UNC5C: variants seen among roughly 807,000 people sequenced by gnomAD.
The protein encoded by UNC5C is netrin receptor UNC5C.
A neutral mutation model predicts 99.8 loss-of-function variants in UNC5C; 47 were observed. The ratio of observed to expected loss-of-function variants is 0.47; its 90% CI spans 0.37 to 0.60. UNC5C has a LOEUF of 0.60. UNC5C is among the 20% of genes least tolerant of loss of function. The pLI, the probability that UNC5C is intolerant of heterozygous loss-of-function variation, is 0.00. For missense variants in UNC5C, 1,062 were observed against 1,165.9 expected (o/e 0.91, Z 1.30); for synonymous variants, 487 against 452.2 (o/e 1.08, Z -0.98).
At chr4:95,179,746 CAAAA>C (rs33974336) in intron 14 of UNC5C, among the ~76,000 whole-genome samples, 4 of 98,526 alleles carry the variant, frequency 4.1e-5, no homozygotes, top group Admixed American at 1.1e-4. Flanking sequence ...GACTCCTTCT[CAAAA>C]AAAAAAAAAA....
chr4:95,329,088 T>C (rs1007859497), intron 2 of UNC5C, among the ~76,000 whole-genome samples: 7 of 152,104 alleles, frequency 4.6e-5, no homozygotes, highest in Non-Finnish European at 8.8e-5. Flanking sequence ...CACAGGAGTT[T>C]GGAGACCAGC....
At chr4:95,479,410 A>T (rs1019107042) in intron 1 of UNC5C, among the ~76,000 whole-genome samples, 3 of 151,958 alleles carry the variant, frequency 2.0e-5, no homozygotes, top group African/African-American at 7.2e-5. Flanking sequence ...GAAGCAAGAG[A>T]TATGTTTCCT....
At chr4:95,490,031 G>A (rs1384406124) in intron 1 of UNC5C, among the ~76,000 whole-genome samples, 4 of 139,516 alleles carry the variant, frequency 2.9e-5, no homozygotes, top group Non-Finnish European at 1.7e-5. Context: ...TGTGTACACA[G>A]AGAAGAGAAG....
At chr4:95,399,995 GAAAT>G in intron 1 of UNC5C, among the ~76,000 whole-genome samples, 1 of 152,122 alleles carries the variant, frequency 6.6e-6, no homozygotes, top group East Asian at 1.9e-4. Context: ...AATATATCTT[GAAAT>G]AATGGTCAAC....
At chr4:95,333,054 T>G (rs907366506) in intron 2 of UNC5C, among the ~76,000 whole-genome samples, 2 of 152,056 alleles carry the variant, frequency 1.3e-5, no homozygotes, top group Non-Finnish European at 1.5e-5. Flanking sequence ...TGGCAATCAT[T>G]AAAAAGTCAG....
chr4:95,503,191 G>A (rs1364100489), intron 1 of UNC5C, among the ~76,000 whole-genome samples: 1 of 152,014 alleles, frequency 6.6e-6, no homozygotes, highest in Non-Finnish European at 1.5e-5. Flanking sequence ...ACTCTAGAGT[G>A]GGTTTGTTAC....
At chr4:95,324,753 G>A (rs1742827266) in intron 2 of UNC5C, among the ~76,000 whole-genome samples, 1 of 152,108 alleles carries the variant, frequency 6.6e-6, no homozygotes, top group Admixed American at 6.5e-5. Context: ...GGCACCCTTT[G>A]CCCCTTCTGC....
chr4:95,203,225 C>G (rs147145943), intron 11 of UNC5C, among the ~76,000 whole-genome samples: 1 of 152,034 alleles, frequency 6.6e-6, no homozygotes, highest in East Asian at 1.9e-4. Context: ...AAAATCTGTA[C>G]GTGTGAAAAG....
At chr4:95,231,146 T>C (rs2149373306) in intron 7 of UNC5C, among the ~76,000 whole-genome samples, 1 of 152,220 alleles carries the variant, frequency 6.6e-6, no homozygotes, top group East Asian at 1.9e-4. Context: ...TATGTAGGTG[T>C]CTGGGCATTA....
At position 95,547,581 on chromosome 4, in the gene UNC5C, C is replaced by A. The variant is rs752460635; in HGVS notation, c.124+1153G>T. On this transcript the variant is annotated intron_variant, in intron 1 of 15. Transcript: ENST00000453304. Reference sequence around the variant, plus strand: ...CTCTGAATGCTGCATAAGCTTCCTTCATTCTCTCCTCTTCCAGGAAAAGCT... The same window carrying A: ...CTCTGAATGCTGCATAAGCTTCCTTAATTCTCTCCTCTTCCAGGAAAAGCT... Among the ~76,000 whole-genome samples the A allele has an allele frequency of 2.3e-4, 35 of 152,308 alleles. No individual in the cohort carries two copies. The Middle Eastern group carries it at 0.01, about 44-fold the overall frequency.
chr4:95,505,839 T>C (rs1174939643), intron 1 of UNC5C, among the ~76,000 whole-genome samples: 1 of 152,042 alleles, frequency 6.6e-6, no homozygotes, highest in Admixed American at 6.6e-5. Flanking sequence ...ATCTGTCTTC[T>C]AGAAAGAGTA....
In UNC5C at chr4:95,260,110, T is replaced by A. The variant is rs182400988; in HGVS notation, c.595-9443A>T. On this transcript the variant is annotated intron_variant, in intron 4 of 15. Coordinates refer to ENST00000453304, the MANE Select transcript of UNC5C (RefSeq NM_003728.4). ...TGCACTGGTCCCCAAAAAGGGACTG[T>A]CCCCCATCTTTTTCCTCATTAAACT... 2.8e-3 allele frequency among the ~76,000 whole-genome samples: 424 copies of A among 152,306 alleles called. 2 individuals are homozygous for A. Among genetic ancestry groups the A allele is most frequent in the African/African-American group, 9.4e-3 (389 of 41,562 alleles).
intron 2 of UNC5C, 47 bp downstream of exon 2, chr4:95,335,363 G>T: frequency 6.6e-7 from 1 of 1,504,912 alleles, no homozygotes; most frequent in South Asian, 1.2e-5. Flanking sequence ...CTAGAGTAGT[G>T]AGTAAGTGAA....
At chr4:95,429,432 A>G (rs547980630) in intron 1 of UNC5C, among the ~76,000 whole-genome samples, 60 of 152,236 alleles carry the variant, frequency 3.9e-4, no homozygotes, top group African/African-American at 1.3e-3. Context: ...TTTCTTGCTC[A>G]GAACTTGATC....
chr4:95,377,327 T>C (rs1167201225), intron 1 of UNC5C, among the ~76,000 whole-genome samples: 2 of 152,206 alleles, frequency 1.3e-5, no homozygotes, highest in Non-Finnish European at 2.9e-5. Context: ...TTCAAATAAA[T>C]GATTTTCCCT....
At chr4:95,543,777 TG>T (rs1722985125) in intron 1 of UNC5C, among the ~76,000 whole-genome samples, 1 of 152,186 alleles carries the variant, frequency 6.6e-6, no homozygotes, top group South Asian at 2.1e-4. Context: ...AGGACTTAAC[TG>T]GGAGTGACTT....
chr4:95,382,518 A>T (rs1745101690), intron 1 of UNC5C, among the ~76,000 whole-genome samples: 1 of 152,028 alleles, frequency 6.6e-6, no homozygotes. Flanking sequence ...TTTTGCATAA[A>T]TCCATCTTTT....
chr4:95,192,636 CCTGCTCACCTCTT>C (rs1007768213), intron 12 of UNC5C, among the ~76,000 whole-genome samples: 3 of 147,488 alleles, frequency 2.0e-5, no homozygotes, highest in African/African-American at 2.5e-5. Context: ...ACCCTCCTCT[CCTGCTCACCTCTT>C]CTGCTCACCT....
At chr4:95,179,695 T>C (rs1258942231) in intron 14 of UNC5C, among the ~76,000 whole-genome samples, 1 of 139,148 alleles carries the variant, frequency 7.2e-6, no homozygotes, top group Non-Finnish European at 1.5e-5. Flanking sequence ...TGCAGTGAGC[T>C]GAAGTCGTGC....
Sources: allele counts gnomAD v4.1 joint callset (sites outside exome capture counted in the v4.1 genomes callset), GRCh38; gene constraint gnomAD v4.1.1; transcripts MANE v1.5; gene names NCBI Gene and HGNC (gene_info 2026-07-23, HGNC 2026-07-21).